The following TBCEL variants were observed in gnomAD, a reference collection of about 807,000 sequenced individuals.
The protein encoded by TBCEL is tubulin folding cofactor E like, also known as tubulin-specific chaperone cofactor E-like protein.
A neutral mutation model predicts 44.2 loss-of-function variants in TBCEL; 15 were observed. The observed-to-expected ratio is 0.34, with a 90% confidence interval of 0.23 to 0.52. The LOEUF (loss-of-function observed/expected upper bound fraction) is 0.52, where lower values mean the gene tolerates loss of function less well. Ranked by LOEUF, TBCEL falls within the 20% of genes least tolerant of loss-of-function variation. The pLI, the probability that TBCEL is intolerant of heterozygous loss-of-function variation, is 0.95. For synonymous variants in TBCEL, 171 were observed against 185.4 expected (o/e 0.92, Z 0.63); for missense variants, 319 against 506.3 (o/e 0.63, Z 3.55).
At chr11:121,085,037 A>G (rs1170801728) in intron 8 of TBCEL, among the ~76,000 whole-genome samples, 2 of 150,210 alleles carry the variant, frequency 1.3e-5, no homozygotes, top group Non-Finnish European at 3.0e-5. Context: ...AATTATAATA[A>G]TAATTATTAT....
intron 1 of TBCEL, among the ~76,000 whole-genome samples, chr11:121,034,458 A>C (rs1945196572): frequency 6.6e-6 from 1 of 152,206 alleles, no homozygotes; most frequent in Admixed American, 6.5e-5. Flanking sequence ...TATGTATTCT[A>C]GCCGTAGCTA....
At chr11:121,058,581 C>T in intron 7 of TBCEL, 110 bp downstream of exon 7, 1 of 1,414,886 alleles carries the variant, frequency 7.1e-7, no homozygotes, top group Non-Finnish European at 9.8e-7. Context: ...ATCCTTTGAG[C>T]AGACTGTGCT....
At chr11:121,041,839 A>T (rs146280049) in intron 2 of TBCEL, among the ~76,000 whole-genome samples, 309 of 151,582 alleles carry the variant, frequency 2.0e-3, no homozygotes, top group African/African-American at 7.0e-3. Context: ...GCCCATCTGC[A>T]TTCCTGGAAA....
intron 8 of TBCEL, among the ~76,000 whole-genome samples, chr11:121,075,066 TACAC>T (rs1212116524): frequency 6.6e-6 from 1 of 151,938 alleles, no homozygotes; most frequent in South Asian, 2.1e-4. Flanking sequence ...AACTGTAACA[TACAC>T]ACAAGGGCGT....
intron 1 of TBCEL, among the ~76,000 whole-genome samples, chr11:121,028,683 A>G (rs1945088031): frequency 6.6e-6 from 1 of 152,262 alleles, no homozygotes; most frequent in Non-Finnish European, 1.5e-5. Context: ...GATGCCTAGC[A>G]CAACAGTGGT....
At chr11:121,035,824 G>A (rs1201835942) in intron 1 of TBCEL, 3 of 152,104 alleles carry the variant, frequency 2.0e-5, no homozygotes, top group Non-Finnish European at 4.4e-5. Flanking sequence ...TGGAAAAATT[G>A]GGAATAATTT....
At chr11:121,058,574 C>A in intron 7 of TBCEL, 103 bp downstream of exon 7, 1 of 1,451,382 alleles carries the variant, frequency 6.9e-7, no homozygotes, top group Non-Finnish European at 9.5e-7. Context: ...ATTATTCATC[C>A]TTTGAGCAGA....
intron 4 of TBCEL, among the ~76,000 whole-genome samples, chr11:121,052,630 C>T (rs1209249236): frequency 2.0e-5 from 3 of 151,858 alleles, no homozygotes; most frequent in Non-Finnish European, 4.4e-5. Context: ...ATCCTTCTCG[C>T]AGATTGTGCC....
chr11:121,077,432 G>A (rs1480981560), intron 8 of TBCEL, among the ~76,000 whole-genome samples: 1 of 151,968 alleles, frequency 6.6e-6, no homozygotes, highest in Non-Finnish European at 1.5e-5. Flanking sequence ...GTTTTTCATA[G>A]TATTTGCTTA....
At chr11:121,034,322 A>C (rs1293978708) in intron 1 of TBCEL, among the ~76,000 whole-genome samples, 1 of 152,204 alleles carries the variant, frequency 6.6e-6, no homozygotes, top group Non-Finnish European at 1.5e-5. Flanking sequence ...GTAGGAGTAC[A>C]AAAATCATAT....
At chr11:121,029,655 T>C (rs1052683829) in intron 1 of TBCEL, among the ~76,000 whole-genome samples, 3 of 152,228 alleles carry the variant, frequency 2.0e-5, no homozygotes, top group Non-Finnish European at 4.4e-5. Context: ...CTTAAAACTG[T>C]GTGAAACTTT....
At chr11:121,032,245 A>G (rs1370788632) in intron 1 of TBCEL, among the ~76,000 whole-genome samples, 1 of 152,034 alleles carries the variant, frequency 6.6e-6, no homozygotes, top group Non-Finnish European at 1.5e-5. Context: ...CCATATTTAC[A>G]TGGGCATGTT....
intron 8 of TBCEL, among the ~76,000 whole-genome samples, chr11:121,076,052 C>G (rs1343637994): frequency 6.6e-6 from 1 of 151,878 alleles, no homozygotes; most frequent in Non-Finnish European, 1.5e-5. Flanking sequence ...ATGTCTGTGT[C>G]CTTTTGCCAG....
In TBCEL at chr11:121,058,597, G is replaced by A. The variant is rs1386111181; in HGVS notation, c.839+126G>A. On this transcript the variant is annotated intron_variant, in intron 7 of 8. Coordinates refer to ENST00000683345, the MANE Select transcript of TBCEL (RefSeq NM_001363644.2). ...TCCTTTGAGCAGACTGTGCTTGAGG[G>A]AGCTGCCCCTGTAGCTCCAAATCCT... The A allele has an allele frequency of 4.1e-6, 5 of 1,211,112 alleles. No individual in the cohort carries two copies. The Admixed American group carries it at 6.7e-5, about 16-fold the overall frequency. 75.0% of individuals were successfully genotyped at this position (1,211,112 alleles called of 1,614,324 possible).
intron 2 of TBCEL, among the ~76,000 whole-genome samples, chr11:121,041,587 G>T (rs959328994): frequency 6.6e-6 from 1 of 152,060 alleles, no homozygotes; most frequent in African/African-American, 2.4e-5. Flanking sequence ...GATGTAATTT[G>T]ACACACGTTA....
At chr11:121,057,147 A>C (rs766326277) in intron 6 of TBCEL, among the ~76,000 whole-genome samples, 7 of 151,786 alleles carry the variant, frequency 4.6e-5, no homozygotes, top group Non-Finnish European at 1.0e-4. Context: ...TTCCTCCTTG[A>C]TGGAAATGCC....
At chr11:121,038,863 G>A (rs146899280) in intron 2 of TBCEL, among the ~76,000 whole-genome samples, 6 of 151,768 alleles carry the variant, frequency 4.0e-5, no homozygotes, top group East Asian at 1.9e-4. Flanking sequence ...CTCTTTTCTC[G>A]GCTTATTTAC....
At chr11:121,037,472 G>A (rs1945252099) in intron 2 of TBCEL, among the ~76,000 whole-genome samples, 3 of 152,182 alleles carry the variant, frequency 2.0e-5, no homozygotes. Context: ...CATACAGAAT[G>A]AGACCATCCA....
At chr11:121,075,422 T>C (rs1333218103) in intron 8 of TBCEL, among the ~76,000 whole-genome samples, 1 of 152,020 alleles carries the variant, frequency 6.6e-6, no homozygotes, top group African/African-American at 2.4e-5. Flanking sequence ...TGTTGAATGA[T>C]TCCTCACACT....
Sources: allele counts gnomAD v4.1 joint callset (sites outside exome capture counted in the v4.1 genomes callset), GRCh38; gene constraint gnomAD v4.1.1; transcripts MANE v1.5; gene names NCBI Gene and HGNC (gene_info 2026-07-23, HGNC 2026-07-21).